The following TP53I13 variants were observed in gnomAD, a reference collection of about 807,000 sequenced individuals.
TP53I13 encodes the protein tumor protein p53 inducible protein 13.
Under a neutral mutation model 39.1 loss-of-function variants are expected in TP53I13, and 27 were observed. That is an observed-to-expected ratio of 0.69 (90% confidence interval 0.51 to 0.95). The LOEUF is 0.95. TP53I13 is among the 40% of genes least tolerant of loss of function. TP53I13 has a pLI of 0.00. For synonymous variants in TP53I13, 230 were observed against 224.6 expected (o/e 1.02, Z -0.22); for missense variants, 544 against 520.4 (o/e 1.05, Z -0.44).
chr17:29,581,667 C>T, the TP53I13 span: 105 of 1,136,274 alleles, frequency 9.2e-5, no homozygotes, highest in African/African-American at 9.6e-4. The surrounding 1 kb of genome is among the most constrained non-coding windows in gnomAD (Gnocchi z 4.8). Flanking sequence ...CACCTGCTGC[C>T]GGGTGCGTCC....
At chr17:29,566,867 C>T (rs1379867822), upstream of TP53I13, 1 of 1,504,506 alleles carries the variant, frequency 6.6e-7, no homozygotes, top group South Asian at 1.2e-5. Context: ...GTCCTCTCTC[C>T]GACGGCGCGC....
At chr17:29,577,623 G>GC, downstream of TP53I13, 1 of 1,493,288 alleles carries the variant, frequency 6.7e-7, no homozygotes, top group Non-Finnish European at 9.3e-7. Flanking sequence ...ACCACCCCAG[G>GC]CCCCCAATCC....
At chr17:29,579,481 C>T in the TP53I13 span, among the ~76,000 whole-genome samples, 1 of 152,218 alleles carries the variant, frequency 6.6e-6, no homozygotes, top group Non-Finnish European at 1.5e-5. Flanking sequence ...CACAGTGGCT[C>T]ACACCTGTAA....
At chr17:29,578,675 G>A in the TP53I13 span, 1 of 1,432,102 alleles carries the variant, frequency 7.0e-7, no homozygotes, top group Non-Finnish European at 9.9e-7. Flanking sequence ...AGCAGAGGGT[G>A]GGGGATCAGA....
At chr17:29,576,369 C>T (rs563309641), downstream of TP53I13, 37 of 1,613,506 alleles carry the variant, frequency 2.3e-5, no homozygotes, top group African/African-American at 3.9e-4. Flanking sequence ...GTGTGTTCCG[C>T]CCGTTCACTG....
rs750826124 is a variant in TP53I13, at chr17:29,572,495, G to A, written c.867G>A (p.Pro289=). 8.1e-6 allele frequency: 13 copies of A among 1,602,884 alleles called. No homozygotes were observed. In the South Asian group the frequency reaches 1.4e-4, roughly 18 times the overall value. Residue 289 remains proline, a synonymous_variant, in exon 6 of 7, where the codon CCG becomes CCA. Transcript: ENST00000301057. Reference sequence around the variant, plus strand: ...GTGTCTGTTCAAGTCAGGCTTCCCCGGCCCCTCGCGCAGCAGCGCCTCCAC... The same window carrying A: ...GTGTCTGTTCAAGTCAGGCTTCCCCAGCCCCTCGCGCAGCAGCGCCTCCAC... ...GGCVCSSQAS[P]APRAAAPPRA...
At chr17:29,579,261 C>T in the TP53I13 span, 10 of 514,710 alleles carry the variant, frequency 1.9e-5, no homozygotes, top group South Asian at 2.8e-4. Flanking sequence ...TGAAGCTCCC[C>T]AGGTTCCTCA....
At chr17:29,581,853 T>G in the TP53I13 span, 5 of 1,611,998 alleles carry the variant, frequency 3.1e-6, no homozygotes, top group Non-Finnish European at 4.2e-6. The surrounding 1 kb of genome is among the most constrained non-coding windows in gnomAD (Gnocchi z 4.8). Context: ...GGAGGGGGTA[T>G]GGCTCAGACC....
At chr17:29,569,511 G>A in intron 3 of TP53I13, 152 bp downstream of exon 3, 1 of 686,838 alleles carries the variant, frequency 1.5e-6, no homozygotes, top group Non-Finnish European at 2.5e-6. Context: ...CCACCTCCAA[G>A]CCCAGGACAG....
At chr17:29,577,383 G>C, downstream of TP53I13, 1 of 745,406 alleles carries the variant, frequency 1.3e-6, no homozygotes, top group Non-Finnish European at 2.3e-6. Context: ...AGCTTCACCT[G>C]GCTAGTCAGC....
the TP53I13 span, chr17:29,581,929 G>A: frequency 6.2e-7 from 1 of 1,611,476 alleles, no homozygotes; most frequent in Non-Finnish European, 8.5e-7. This position sits in a 1 kb window ranked among gnomAD's most constrained non-coding sequence, Gnocchi z 4.8. Flanking sequence ...ACCCTCACCT[G>A]GCATAGTCAA....
At chr17:29,581,117 G>C in the TP53I13 span, 6 of 586,944 alleles carry the variant, frequency 1.0e-5, no homozygotes, top group Non-Finnish European at 1.8e-5. The surrounding 1 kb of genome is among the most constrained non-coding windows in gnomAD (Gnocchi z 4.8). Context: ...CCATGTACTT[G>C]ACAGTCACGG....
downstream of TP53I13, chr17:29,576,876 C>T (rs1278829308): frequency 6.3e-7 from 1 of 1,575,314 alleles, no homozygotes; most frequent in South Asian, 1.1e-5. Flanking sequence ...GGCCCGGTTG[C>T]TCCGAGTGGC....
At chr17:29,579,865 G>C in the TP53I13 span, among the ~76,000 whole-genome samples, 7 of 152,160 alleles carry the variant, frequency 4.6e-5, 1 homozygote, top group Admixed American at 4.6e-4. Context: ...CACACAGCCA[G>C]TAAGCAGCAG....
chr17:29,566,670 G>A (rs569719509), upstream of TP53I13: 1 of 1,599,210 alleles, frequency 6.3e-7, no homozygotes, highest in Admixed American at 1.7e-5. Context: ...CGGAGAACCA[G>A]GAGCGCGGGC....
downstream of TP53I13, chr17:29,577,510 C>A (rs2033254309): frequency 5.5e-6 from 4 of 728,024 alleles, no homozygotes; most frequent in Non-Finnish European, 9.9e-6. Flanking sequence ...CTTCCCAAAT[C>A]CCAGTGCCAG....
rs765378961 is a variant in TP53I13, at chr17:29,571,848, CT to C, written c.313-8del. 7.4e-6 allele frequency: 12 copies of C among 1,613,158 alleles called. No individual in the cohort carries two copies. The highest frequency in any genetic ancestry group is 1.0e-5 in the Non-Finnish European group (12 of 1,179,928). ...TCCTCGTAGCTCTAACAGTTACCTC[CT>C]CTCGTAGCCCCTGGTGCTGACTGCA... is the stretch of plus-strand genomic sequence containing the variant. On this transcript the variant is annotated splice_polypyrimidine_tract_variant and splice_region_variant and intron_variant, in intron 4 of 6. Transcript: ENST00000301057.
downstream of TP53I13, chr17:29,576,350 G>T: frequency 1.2e-6 from 2 of 1,613,292 alleles, no homozygotes; most frequent in Non-Finnish European, 1.7e-6. Flanking sequence ...CCCGCCTGGC[G>T]CCATGGGTGT....
Position 29,571,975 on chromosome 17 carries a change from T to TCTA in TP53I13, c.434_436dup (p.Tyr145dup). 1 of 1,613,058 alleles carries TCTA rather than the reference T, an allele frequency of 6.2e-7. No individual in the cohort carries two copies. The highest frequency in any genetic ancestry group is 1.1e-5 in the South Asian group (1 of 91,072). On this transcript the variant is annotated inframe_insertion, in exon 5 of 7. Transcript: ENST00000301057. ...AAGCAGAGGAAGAAGAAGGCATGGA[T>TCTA]CTACTGTGAAAGCCTTTCAGGGCCT...
Sources: gnomAD v4.1 joint callset for allele counts (sites outside exome capture counted in the v4.1 genomes callset) on GRCh38, gnomAD v4.1.1 for gene constraint, Gnocchi (gnomAD v3.1) non-coding constraint, MANE v1.5 for transcripts, NCBI Gene and HGNC (gene_info 2026-07-23, HGNC 2026-07-21) for gene names.